Variants in TEFM observed in about 807,000 individuals in gnomAD.
TEFM encodes the protein transcription elongation factor, mitochondrial.
In TEFM, 14 loss-of-function variants were observed where a neutral mutation model predicts 23.0. That is an observed-to-expected ratio of 0.61 (90% CI 0.40 to 0.95). The LOEUF (loss-of-function observed/expected upper bound fraction) is 0.95, where lower values mean the gene tolerates loss of function less well. TEFM is among the 40% of genes least tolerant of loss of function. TEFM has a pLI of 0.00. For synonymous variants in TEFM, 155 were observed against 158.3 expected (o/e 0.98, Z 0.16); for missense variants, 386 against 425.5 (o/e 0.91, Z 0.82).
chr17:30,903,640 A>G (rs1350042238), intron 2 of TEFM, among the ~76,000 whole-genome samples: 2 of 151,966 alleles, frequency 1.3e-5, no homozygotes, highest in Non-Finnish European at 2.9e-5. Context: ...ATAATGTTCT[A>G]AAGTCACTCA....
intron 3 of TEFM, chr17:30,900,092 G>A (rs1910005422): frequency 2.5e-6 from 1 of 395,420 alleles, no homozygotes; most frequent in Non-Finnish European, 4.5e-6. Flanking sequence ...GCAAGGTTTT[G>A]AAAACTCAAA....
At position 30,899,440 on chromosome 17, in the gene TEFM, T is replaced by C; in HGVS notation, c.812A>G (p.His271Arg). Residue 271 changes from histidine to arginine, a missense_variant, in exon 4 of 4, where the codon CAT (histidine) becomes CGT (arginine). By Grantham distance (29) the His-to-Arg change is conservative (BLOSUM62 0). Transcript: ENST00000581216. ...LNKTFAQDGQ[H>R]QVLSMNRNAV... Reference sequence around the variant, plus strand: ...ATTTCGATTCATGCTCAGCACCTGATGCTGCCCATCCTGGGCAAAAGTTTT... The same window carrying C: ...ATTTCGATTCATGCTCAGCACCTGACGCTGCCCATCCTGGGCAAAAGTTTT... 3 of 1,614,230 alleles carry C rather than the reference T, an allele frequency of 1.9e-6. No homozygotes were observed. The highest frequency in any genetic ancestry group is 2.5e-6 in the Non-Finnish European group (3 of 1,180,030).
At position 30,899,494 on chromosome 17, in the gene TEFM, A is replaced by G. The variant is rs369493399; in HGVS notation, c.758T>C (p.Met253Thr). 3 of 1,614,050 alleles carry G rather than the reference A, an allele frequency of 1.9e-6. No homozygotes were observed. Among genetic ancestry groups the G allele is most frequent in the African/African-American group, 2.7e-5 (2 of 74,952 alleles). Reference sequence around the variant, plus strand: ...TAATAAGGCATACAGCATGGCTTCCATGATATGAAAATGTAACAGTATTGG... The same window carrying G: ...TAATAAGGCATACAGCATGGCTTCCGTGATATGAAAATGTAACAGTATTGG... ...LFPILLHFHI[M>T]EAMLYALLNK... Residue 253 changes from methionine to threonine, a missense_variant, in exon 4 of 4, where the codon ATG (methionine) becomes ACG (threonine). By Grantham distance (81) the Met-to-Thr change is moderately conservative. Coordinates refer to ENST00000581216, the MANE Select transcript of TEFM (RefSeq NM_024683.4).
intron 2 of TEFM, among the ~76,000 whole-genome samples, chr17:30,902,396 A>T (rs556829451): frequency 6.6e-6 from 1 of 152,202 alleles, no homozygotes; most frequent in Non-Finnish European, 1.5e-5. Context: ...GACTACACAC[A>T]ATACTTCGTC....
intron 3 of TEFM, chr17:30,900,206 C>T: frequency 2.1e-6 from 1 of 471,244 alleles, no homozygotes; most frequent in East Asian, 3.0e-5. Flanking sequence ...TCAGTATCTG[C>T]CTTCGATGCA....
At position 30,900,398 on chromosome 17, in the gene TEFM, G is replaced by A. The variant is rs922480215; in HGVS notation, c.645+15C>T. On this transcript the variant is annotated intron_variant, in intron 3 of 3. Coordinates refer to ENST00000581216, the MANE Select transcript of TEFM (RefSeq NM_024683.4). ...AGCTCTAGCAGGTAGGAATCTGGAG[G>A]TGCAACTGCCTTACCTCTTCTAAAT... 1 of 1,612,520 alleles carries A rather than the reference G, an allele frequency of 6.2e-7. No homozygotes were observed. Among genetic ancestry groups the A allele is most frequent in the East Asian group, 2.2e-5 (1 of 44,858 alleles).
Position 30,904,447 on chromosome 17 carries a change from A to G in TEFM, c.114T>C (p.Thr38=). Residue 38 remains threonine (T), a synonymous_variant, in exon 2 of 4, where the codon ACT becomes ACC. Transcript: ENST00000581216. ...CATTGGGAGTAATTTTCTTAGGTGT[A>G]GTGGATTTTTTCCGACAGCAGAAAT... ...LHNFCCRKKS[T]TPKKITPNVT... The G allele has an allele frequency of 6.2e-7, 1 of 1,614,154 alleles. No individual in the cohort carries two copies. The highest frequency in any genetic ancestry group is 8.5e-7 in the Non-Finnish European group (1 of 1,180,034).
intron 2 of TEFM, among the ~76,000 whole-genome samples, chr17:30,901,338 C>G (rs928309333): frequency 1.3e-5 from 2 of 152,080 alleles, no homozygotes; most frequent in Non-Finnish European, 2.9e-5. Flanking sequence ...AAAAGGTAAC[C>G]AGCAGCAGTC....
intron 1 of TEFM, among the ~76,000 whole-genome samples, chr17:30,905,275 C>G (rs1279445459): frequency 6.6e-6 from 1 of 152,034 alleles, no homozygotes; most frequent in Non-Finnish European, 1.5e-5. Context: ...AATCCCAGCA[C>G]TTTGGGAGGC....
At chr17:30,900,634 C>T in intron 2 of TEFM, 72 bp from the exon 3 acceptor site, 1 of 1,381,868 alleles carries the variant, frequency 7.2e-7, no homozygotes, top group Non-Finnish European at 9.9e-7. Context: ...CGGAGTCTCG[C>T]TCTGTCTCCC....
At chr17:30,905,204 T>C (rs1910140706) in intron 1 of TEFM, among the ~76,000 whole-genome samples, 1 of 152,140 alleles carries the variant, frequency 6.6e-6, no homozygotes, top group Non-Finnish European at 1.5e-5. Flanking sequence ...GAGGAATCTT[T>C]TTGTAACTAA....
intron 2 of TEFM, 62 bp from the exon 3 acceptor site, chr17:30,900,624 C>A: frequency 6.8e-7 from 1 of 1,467,908 alleles, no homozygotes; most frequent in East Asian, 2.3e-5. Flanking sequence ...TTTTTTGAGA[C>A]GGAGTCTCGC....
chr17:30,904,155 G>A lies in TEFM; in HGVS notation c.406C>T (p.Pro136Ser). The change falls in exon 2 of 4, where the codon CCA becomes TCA. Residue 136 changes from proline (P) to serine (S), a missense_variant. Transcript: ENST00000581216. ...TTTCTTTTTTCCCGTCCAGTCTTTG[G>A]ACAAAGTATGGAGTTACAAACTTGA... ...TVQVCNSILC[P>S]KTGREKRKSP... is the part of the protein sequence containing the mutation. 1 of 1,614,128 alleles carries A rather than the reference G, an allele frequency of 6.2e-7. No homozygotes were observed. Among genetic ancestry groups the A allele is most frequent in the Middle Eastern group, 1.6e-4 (1 of 6,062 alleles).
At chr17:30,900,185 C>A in intron 3 of TEFM, 2 of 454,444 alleles carry the variant, frequency 4.4e-6, no homozygotes, top group East Asian at 3.1e-5. Flanking sequence ...AATGAAATAC[C>A]ATTGATTTTC....
In TEFM at chr17:30,904,193, T is replaced by C. The variant is rs1410535401; in HGVS notation, c.368A>G (p.Tyr123Cys). The C allele has an allele frequency of 3.1e-6, 5 of 1,614,132 alleles. No homozygotes were observed. The South Asian group carries it at 4.4e-5, about 14-fold the overall frequency. ...ESLMNVPLFK[Y>C]KSTVQVCNSI... ...GTTACAAACTTGAACTGTACTTTTA[T>C]ACTTAAACAAGGGCACATTCATTAA... Residue 123 changes from tyrosine to cysteine, a missense_variant, in exon 2 of 4, where the codon TAT becomes TGT. Tyr to Cys is a radical substitution (Grantham distance 194, BLOSUM62 -2). Transcript: ENST00000581216.
In TEFM at chr17:30,904,130, TTTC is replaced by T; in HGVS notation, c.428_430del (p.Arg143del). The T allele has an allele frequency of 6.2e-7, 1 of 1,614,138 alleles. No homozygotes were observed. Among genetic ancestry groups the T allele is most frequent in the Non-Finnish European group, 8.5e-7 (1 of 1,180,004 alleles). On this transcript the variant is annotated inframe_deletion, in exon 2 of 4. Coordinates refer to ENST00000581216, the MANE Select transcript of TEFM (RefSeq NM_024683.4). ...TCTCAGGAACCGGTTTTCCGGTGAC[TTTC>T]TTTTTTCCCGTCCAGTCTTTGGACA...
At chr17:30,900,298 C>A in intron 3 of TEFM, 115 bp downstream of exon 3, 1 of 1,024,256 alleles carries the variant, frequency 9.8e-7, no homozygotes. Context: ...AAGTGAGTAA[C>A]AAGTACCAGA....
chr17:30,906,003 A>G (rs73265625), intron 1 of TEFM, among the ~76,000 whole-genome samples, 165 bp downstream of exon 1: 5,204 of 152,236 alleles, frequency 0.034, 315 homozygotes, highest in African/African-American at 0.12. Flanking sequence ...GTTCCTCCAG[A>G]ATACCTCCAG....
In TEFM at chr17:30,900,425, G is replaced by C; in HGVS notation, c.633C>G (p.Val211=). Residue 211 remains valine, a synonymous_variant, in exon 3 of 4, where the codon GTC becomes GTG. Transcript: ENST00000581216. ...SLMRGIYSSS[V]YLEEISSIIS... is the part of the protein sequence containing the mutation. Reference sequence around the variant, plus strand: ...GCAACTGCCTTACCTCTTCTAAATAGACTGATGATGAGTATATTCCTCTCA... The same window carrying C: ...GCAACTGCCTTACCTCTTCTAAATACACTGATGATGAGTATATTCCTCTCA... 6.2e-7 allele frequency: 1 copy of C among 1,614,126 alleles called. No individual in the cohort carries two copies. Among genetic ancestry groups the C allele is most frequent in the Non-Finnish European group, 8.5e-7 (1 of 1,180,002 alleles).
Sources: gnomAD v4.1 joint callset for allele counts (sites outside exome capture counted in the v4.1 genomes callset) on GRCh38, gnomAD v4.1.1 for gene constraint, MANE v1.5 for transcripts, NCBI Gene and HGNC (gene_info 2026-07-23, HGNC 2026-07-21) for gene names.